The following CCND3 variants were observed in gnomAD, a reference collection of about 807,000 sequenced individuals.
CCND3 encodes G1/S-specific cyclin-D3.
A neutral mutation model predicts 28.7 loss-of-function variants in CCND3; 9 were observed. That is an observed-to-expected ratio of 0.31 (90% CI 0.19 to 0.55). The LOEUF (loss-of-function observed/expected upper bound fraction) is 0.55, where lower values mean the gene tolerates loss of function less well. CCND3 is among the 20% of genes least tolerant of loss of function. CCND3 has a pLI of 0.93. For missense variants in CCND3, 315 were observed against 385.8 expected (o/e 0.82, Z 1.54); for synonymous variants, 164 against 163.9 (o/e 1.00, Z 0.00).
intron 1 of CCND3, among the ~76,000 whole-genome samples, chr6:41,979,134 G>A (rs1762260684): frequency 8.1e-6 from 1 of 123,278 alleles, no homozygotes; most frequent in Non-Finnish European, 1.6e-5. Context: ...TCACACCATT[G>A]CACTTCAGCC....
intron 1 of CCND3, among the ~76,000 whole-genome samples, chr6:42,026,001 A>T (rs957112216): frequency 1.2e-4 from 18 of 152,154 alleles, no homozygotes; most frequent in African/African-American, 4.1e-4. Context: ...CCACATGGAG[A>T]TTCCCACCTC....
At chr6:42,046,676 C>T (rs994249067) in intron 1 of CCND3, among the ~76,000 whole-genome samples, 2 of 152,182 alleles carry the variant, frequency 1.3e-5, no homozygotes, top group African/African-American at 4.8e-5. Flanking sequence ...ACACAGCCAT[C>T]AGGAAAGGAT....
intron 1 of CCND3, chr6:41,940,800 G>A (rs976947812): frequency 5.5e-6 from 5 of 901,760 alleles, no homozygotes; most frequent in African/African-American, 3.3e-5. Context: ...TCCCCTTGAC[G>A]GGGGAGTGGT....
Position 41,940,396 on chromosome 6 carries a change from G to T in CCND3, c.388C>A (p.His130Asn). The change falls in exon 2 of 5, where the codon CAC becomes AAC. Residue 130 changes from histidine to asparagine, a missense_variant. Physicochemically the swap from His to Asn is moderately conservative, Grantham distance 68 (BLOSUM62 1). Transcript: ENST00000372991. ...CGCAACTGGCGGGGAGAGACAGCGTGGTCGGTGTAGATGCACAGTTTTTCG... is the reference window on the plus strand; with the variant it reads ...CGCAACTGGCGGGGAGAGACAGCGTTGTCGGTGTAGATGCACAGTTTTTCG... The part of the protein sequence containing the change: ...TIEKLCIYTD[H>N]AVSPRQLRDW... 2 of 1,614,146 alleles carry T rather than the reference G, an allele frequency of 1.2e-6. No homozygotes were observed. The highest frequency in any genetic ancestry group is 1.7e-6 in the Non-Finnish European group (2 of 1,179,996).
At chr6:41,987,238 G>A (rs530363871) in intron 1 of CCND3, among the ~76,000 whole-genome samples, 1 of 151,842 alleles carries the variant, frequency 6.6e-6, no homozygotes, top group Admixed American at 6.6e-5. Context: ...TCACTGATTG[G>A]TTCTGGTGCC....
intron 1 of CCND3, among the ~76,000 whole-genome samples, chr6:42,028,584 G>A (rs1233441253): frequency 7.2e-5 from 11 of 152,264 alleles, no homozygotes; most frequent in South Asian, 4.1e-4. Context: ...GCTGCCCTCC[G>A]CCAGCAGCCT....
rs539178499 is a variant in CCND3 at position 41,936,396 on chromosome 6, T to A, written c.711+163A>T. 2.5e-5 allele frequency: 21 copies of A among 832,098 alleles called. No individual in the cohort carries two copies. Among genetic ancestry groups the A allele is most frequent in the African/African-American group, 1.9e-4 (11 of 58,672 alleles). The allele number at this position is 832,098 out of a possible 1,614,324, so 51.5% of individuals were successfully genotyped here. A position where few individuals can be genotyped will look rare whatever the true frequency, so the allele number is the denominator to read the frequency against. On this transcript the variant is annotated intron_variant, in intron 4 of 4. Coordinates refer to ENST00000372991, the MANE Select transcript of CCND3 (RefSeq NM_001760.5). This position sits in a 1 kb window ranked among gnomAD's most constrained non-coding sequence, Gnocchi z 4.4. The stretch of plus-strand genomic sequence containing the variant: ...CCTTCACCCCACCCAAGATACTTGC[T>A]CTTCCCCAGACCAAGGCAGGAGATA...
chr6:42,017,307 A>T (rs997943327), intron 1 of CCND3, among the ~76,000 whole-genome samples: 2 of 152,220 alleles, frequency 1.3e-5, no homozygotes, highest in African/African-American at 4.8e-5. Context: ...CCCCTGATAA[A>T]CAGCTGGAGC....
chr6:42,033,618 C>T (rs531865270), intron 1 of CCND3, among the ~76,000 whole-genome samples: 4 of 151,888 alleles, frequency 2.6e-5, no homozygotes, highest in East Asian at 1.9e-4. Context: ...GAGGCTGAGG[C>T]GGGCAGATCA....
At chr6:42,015,516 C>T (rs1312587672) in intron 1 of CCND3, among the ~76,000 whole-genome samples, 1 of 152,114 alleles carries the variant, frequency 6.6e-6, no homozygotes, top group Non-Finnish European at 1.5e-5. Flanking sequence ...GGAGGTCATC[C>T]TGGCTAACAC....
chr6:41,991,079 G>A (rs1762633197), intron 1 of CCND3, among the ~76,000 whole-genome samples: 1 of 150,558 alleles, frequency 6.6e-6, no homozygotes, highest in Admixed American at 6.6e-5. Flanking sequence ...TTTTTTTAAG[G>A]CGGAATTTCC....
At chr6:41,945,515 CAA>C (rs79628448), upstream of CCND3, among the ~76,000 whole-genome samples, 2 of 148,264 alleles carry the variant, frequency 1.3e-5, no homozygotes, top group Middle Eastern at 3.5e-3. Flanking sequence ...ACTCTGTCTC[CAA>C]AAAAAAAAGT....
intron 1 of CCND3, among the ~76,000 whole-genome samples, chr6:41,970,033 G>GT (rs1761993679): frequency 6.6e-6 from 1 of 151,964 alleles, no homozygotes; most frequent in African/African-American, 2.4e-5. Context: ...GCAGGACCTC[G>GT]TATCTAAGAA....
At chr6:41,965,099 G>A (rs1269450273) in intron 1 of CCND3, among the ~76,000 whole-genome samples, 4 of 98,570 alleles carry the variant, frequency 4.1e-5, no homozygotes, top group Admixed American at 1.6e-4. Context: ...ACAGAGTTTC[G>A]CTCTTTGTTG....
At chr6:41,979,543 A>G (rs1762276967) in intron 1 of CCND3, among the ~76,000 whole-genome samples, 1 of 150,520 alleles carries the variant, frequency 6.6e-6, no homozygotes, top group Non-Finnish European at 1.5e-5. Context: ...CAAAAAAAAA[A>G]AAAAAAGAAA....
chr6:41,948,586 C>T (rs1159345868), intron 1 of CCND3, among the ~76,000 whole-genome samples: 1 of 152,094 alleles, frequency 6.6e-6, no homozygotes, highest in Non-Finnish European at 1.5e-5. Context: ...CGCCTGTAAT[C>T]CCAGCACTTT....
intron 1 of CCND3, among the ~76,000 whole-genome samples, chr6:42,019,100 A>G (rs1763619967): frequency 6.6e-6 from 1 of 152,136 alleles, no homozygotes; most frequent in Non-Finnish European, 1.5e-5. Flanking sequence ...TAAAATTGCA[A>G]TCTATAAATA....
At chr6:42,006,084 T>C (rs11755928) in intron 1 of CCND3, among the ~76,000 whole-genome samples, 17,300 of 151,742 alleles carry the variant, frequency 0.11, 1,029 homozygotes, top group Non-Finnish European at 0.12. Flanking sequence ...GTAGGATTCC[T>C]TGTGCACCAG....
chr6:41,993,663 G>T, intron 1 of CCND3, among the ~76,000 whole-genome samples: 1 of 151,090 alleles, frequency 6.6e-6, no homozygotes, highest in Non-Finnish European at 1.5e-5. Flanking sequence ...GCCCACCTCG[G>T]CCTCCAAAAA....
Sources: gnomAD v4.1 joint callset for allele counts (sites outside exome capture counted in the v4.1 genomes callset) on GRCh38, gnomAD v4.1.1 for gene constraint, Gnocchi (gnomAD v3.1) non-coding constraint, MANE v1.5 for transcripts, NCBI Gene and HGNC (gene_info 2026-07-23, HGNC 2026-07-21) for gene names.